The following CYP11B2 variants were observed in gnomAD, a reference collection of about 807,000 sequenced individuals.
The protein encoded by CYP11B2 is cytochrome P450 11B2, mitochondrial.
A neutral mutation model predicts 49.3 loss-of-function variants in CYP11B2; 38 were observed. The ratio of observed to expected loss-of-function variants is 0.77; its 90% CI spans 0.59 to 1.01. The LOEUF is 1.01. CYP11B2 is among the 50% of genes least tolerant of loss of function. CYP11B2 has a pLI of 0.00. For missense variants in CYP11B2, 669 were observed against 655.5 expected, an observed-to-expected ratio of 1.02 and a Z score of -0.23; for synonymous variants, 290 against 269.3, an observed-to-expected ratio of 1.08 and a Z score of -0.75.
At chr8:142,913,005 G>A (rs1397246926) in intron 6 of CYP11B2, 120 bp from the exon 7 acceptor site, 2 of 1,091,522 alleles carry the variant, frequency 1.8e-6, no homozygotes, top group East Asian at 2.6e-5. Context: ...CCAGGTCGTA[G>A]GAAGTACTTC....
chr8:142,916,694 A>G (rs1282610829), intron 2 of CYP11B2, among the ~76,000 whole-genome samples: 2 of 152,154 alleles, frequency 1.3e-5, no homozygotes, highest in African/African-American at 2.4e-5. Context: ...GACCTGGGCC[A>G]GTGGAAGTCC....
rs745998140 is a variant in CYP11B2 at position 142,917,553 on chromosome 8, C to A, written c.239+49G>T. The A allele has an allele frequency of 5.0e-6, 8 of 1,613,686 alleles. No individual in the cohort carries two copies. In the East Asian group the frequency reaches 1.8e-4, roughly 36 times the overall value. On this transcript the variant is annotated intron_variant, in intron 1 of 8. Coordinates refer to ENST00000323110, the MANE Select transcript of CYP11B2 (RefSeq NM_000498.3). ...GAGTGCCTGGCAGGGTCCTGGGCAG[C>A]AGGGGCAGGGATCTGGGTGTTCCCA...
Position 142,912,095 on chromosome 8 carries a change from T to C in CYP11B2, c.1399-2A>G. The C allele has an allele frequency of 6.2e-7, 1 of 1,613,970 alleles. No individual in the cohort carries two copies. Among genetic ancestry groups the C allele is most frequent in the Non-Finnish European group, 8.5e-7 (1 of 1,179,914 alleles). On this transcript the variant is annotated splice_acceptor_variant, in intron 8 of 8. Transcript: ENST00000323110. LOFTEE classifies it high-confidence loss of function. ...CTCCACCAGGAAGTGCTTCAGCACCTAGGACAGAGGCTGGGTTTCCATCTG... is the reference window on the plus strand; with the variant it reads ...CTCCACCAGGAAGTGCTTCAGCACCCAGGACAGAGGCTGGGTTTCCATCTG...
rs1817564792 is a variant in CYP11B2, at chr8:142,912,860, C to G, written c.1147G>C (p.Glu383Gln). Residue 383 changes from glutamate (E) to glutamine (Q), a missense_variant, in exon 7 of 9, where the codon GAG becomes CAG. Physicochemically the swap from Glu to Gln is conservative, Grantham distance 29. Coordinates refer to ENST00000323110, the MANE Select transcript of CYP11B2 (RefSeq NM_000498.3). ...LRLYPVGLFL[E>Q]RVVSSDLVLQ... ...ACCAAGTCTGAGCTCACCACTCGCT[C>G]CAAAAACAGACCCACAGGGTAGAGC... 2 of 1,613,496 alleles carry G rather than the reference C, an allele frequency of 1.2e-6. No individual in the cohort carries two copies. The highest frequency in any genetic ancestry group is 2.2e-5 in the South Asian group (2 of 91,020).
intron 8 of CYP11B2, 29 bp downstream of exon 8, chr8:142,912,501 G>GGGGCGC: frequency 6.3e-7 from 1 of 1,583,990 alleles, no homozygotes; most frequent in Non-Finnish European, 8.7e-7. Flanking sequence ...TGCTGCCCAG[G>GGGGCGC]TCCCGCCCCC....
intron 2 of CYP11B2, chr8:142,916,618 A>G: frequency 2.5e-6 from 1 of 394,768 alleles, no homozygotes; most frequent in East Asian, 7.2e-5. Flanking sequence ...CCAGGACTGC[A>G]GGGACCCTGA....
chr8:142,913,889 C>G (rs764925086), intron 5 of CYP11B2: 12 of 492,188 alleles, frequency 2.4e-5, no homozygotes, highest in Non-Finnish European at 4.8e-5. Flanking sequence ...CCCAAGGTGA[C>G]CGGGCACACT....
At position 142,912,479 on chromosome 8, in the gene CYP11B2, A is replaced by G. The variant is rs1817552765; in HGVS notation, c.1398+51T>C. 4.5e-6 allele frequency: 7 copies of G among 1,569,708 alleles called. No individual in the cohort carries two copies. The East Asian group carries it at 1.6e-4, about 35-fold the overall frequency. ...CATGCAAGCCCCGCCCCCAGTGTGC[A>G]GGTCCCGCCTCTGCTGCCCAGGTCC... On this transcript the variant is annotated intron_variant, in intron 8 of 8. Coordinates refer to ENST00000323110, the MANE Select transcript of CYP11B2 (RefSeq NM_000498.3).
chr8:142,912,569 C>T lies in CYP11B2; in HGVS notation c.1359G>A (p.Arg453=). 1 of 1,614,092 alleles carries T rather than the reference C, an allele frequency of 6.2e-7. No individual in the cohort carries two copies. The change falls in exon 8 of 9, where the codon CGG becomes CGA. Residue 453 remains arginine, a synonymous_variant. Transcript: ENST00000323110. ...GCAGCATCTCTGCCTCTGCCAGGCG[C>T]CGCCCGAGGCACTGGCGCATGCCAA... ...FGFGMRQCLG[R]RLAEAEMLLL... is the part of the protein sequence containing the mutation.
At chr8:142,917,485 C>T (rs1817667987) in intron 1 of CYP11B2, 117 bp downstream of exon 1, 1 of 1,612,958 alleles carries the variant, frequency 6.2e-7, no homozygotes, top group Admixed American at 1.7e-5. Flanking sequence ...CCCCATCCTC[C>T]AAAGGATGCA....
rs1475694710 is a variant in CYP11B2 at position 142,910,988 on chromosome 8, C to G, written c.*992G>C. 1 of 152,148 alleles carries G rather than the reference C, an allele frequency of 6.6e-6. No homozygotes were observed. The highest frequency in any genetic ancestry group is 1.5e-5 in the Non-Finnish European group (1 of 68,054). 9.4% of individuals were successfully genotyped at this position (152,148 alleles called of 1,614,324 possible). A position where few individuals can be genotyped will look rare whatever the true frequency, so the allele number is the denominator to read the frequency against. ...GGGGAGTGGCCAGTTCAGGAGGGGTCAACTCTCTCTGCTGGGCTAGGAGCA... is the reference window on the plus strand; with the variant it reads ...GGGGAGTGGCCAGTTCAGGAGGGGTGAACTCTCTCTGCTGGGCTAGGAGCA... On this transcript the variant is annotated 3_prime_UTR_variant, in exon 9 of 9. Transcript: ENST00000323110. This position sits in a 1 kb window ranked among gnomAD's most constrained non-coding sequence, Gnocchi z 4.6.
At position 142,911,774 on chromosome 8, in the gene CYP11B2, T is replaced by A; in HGVS notation, c.*206A>T. On this transcript the variant is annotated 3_prime_UTR_variant, in exon 9 of 9. Transcript: ENST00000323110. Reference sequence around the variant, plus strand: ...ACAAGGCCAGGCCCTGCCAGCAAGATCGTCTCCAGCTGTGCCCTGGCCTTG... The same window carrying A: ...ACAAGGCCAGGCCCTGCCAGCAAGAACGTCTCCAGCTGTGCCCTGGCCTTG... The A allele has an allele frequency of 1.4e-6, 1 of 700,098 alleles. No individual in the cohort carries two copies. Among genetic ancestry groups the A allele is most frequent in the Non-Finnish European group, 2.3e-6 (1 of 432,280 alleles). The allele number at this position is 700,098 out of a possible 1,614,324, so 43.4% of individuals were successfully genotyped here.
Position 142,911,874 on chromosome 8 carries a change from G to T in CYP11B2, c.*106C>A. On this transcript the variant is annotated 3_prime_UTR_variant, in exon 9 of 9. Coordinates refer to ENST00000323110, the MANE Select transcript of CYP11B2 (RefSeq NM_000498.3). Reference sequence around the variant, plus strand: ...CATTTGTGCAGGAGCTGGCTGGACAGAGGGGTGACTCAGGAAGCTGTGCAC... The same window carrying T: ...CATTTGTGCAGGAGCTGGCTGGACATAGGGGTGACTCAGGAAGCTGTGCAC... The T allele has an allele frequency of 6.4e-7, 1 of 1,551,782 alleles. No individual in the cohort carries two copies. Among genetic ancestry groups the T allele is most frequent in the Non-Finnish European group, 8.8e-7 (1 of 1,139,470 alleles).
chr8:142,912,146 G>A, intron 8 of CYP11B2, 53 bp from the exon 9 acceptor site: 1 of 1,612,522 alleles, frequency 6.2e-7, no homozygotes, highest in Non-Finnish European at 8.5e-7. Flanking sequence ...CATGGACCTG[G>A]GGCAGCTTCC....
intron 8 of CYP11B2, 93 bp downstream of exon 8, chr8:142,912,437 C>G (rs1301707680): frequency 7.3e-7 from 1 of 1,378,810 alleles, no homozygotes; most frequent in East Asian, 2.4e-5. Context: ...TCCACTGTTC[C>G]CAGGTGTCAA....
In CYP11B2 at chr8:142,915,707, G is replaced by A. The variant is rs535250657; in HGVS notation, c.396-462C>T. 2.8e-4 allele frequency among the ~76,000 whole-genome samples: 37 copies of A among 130,362 alleles called. 7 individuals carry two copies. Among genetic ancestry groups the A allele is most frequent in the Admixed American group, 2.7e-3 (35 of 12,968 alleles). The allele number at this position is 130,362 out of a possible 152,430, so 85.5% of individuals were successfully genotyped here. A position where few individuals can be genotyped will look rare whatever the true frequency, so the allele number is the denominator to read the frequency against. On this transcript the variant is annotated intron_variant, in intron 2 of 8. Transcript: ENST00000323110. Reference sequence around the variant, plus strand: ...CCCGCCCTGGGCACAGTGCCTCTGGGGCAGCAGCCTCTGCCTGTCTCTGTG... The same window carrying A: ...CCCGCCCTGGGCACAGTGCCTCTGGAGCAGCAGCCTCTGCCTGTCTCTGTG...
intron 2 of CYP11B2, among the ~76,000 whole-genome samples, chr8:142,916,775 G>A (rs561879167): frequency 4.5e-4 from 68 of 152,244 alleles, no homozygotes; most frequent in East Asian, 7.7e-4. Context: ...AGCAGCCGCC[G>A]AGGTTGGTGC....
In CYP11B2 at chr8:142,917,782, C is replaced by T. The variant is rs1463986346; in HGVS notation, c.59G>A (p.Arg20Lys). 23 of 1,614,106 alleles carry T rather than the reference C, an allele frequency of 1.4e-5. No individual in the cohort carries two copies. In the Admixed American group the frequency reaches 1.8e-4, roughly 13 times the overall value. ...CVAAPWLSLQRARALGTRAAR... is the reference protein window; with the variant it reads ...CVAAPWLSLQKARALGTRAAR... ...GGCTCTAGTGCCCAGTGCCCGTGCCCTTTGCAGGGACAGCCAGGGCGCTGC... is the reference window on the plus strand; with the variant it reads ...GGCTCTAGTGCCCAGTGCCCGTGCCTTTTGCAGGGACAGCCAGGGCGCTGC... Residue 20 changes from arginine to lysine, a missense_variant, in exon 1 of 9, where the codon AGG becomes AAG. Coordinates refer to ENST00000323110, the MANE Select transcript of CYP11B2 (RefSeq NM_000498.3).
In CYP11B2 at chr8:142,912,521, C is replaced by T. The variant is rs1384087182; in HGVS notation, c.1398+9G>A. 1.2e-6 allele frequency: 2 copies of T among 1,612,408 alleles called. No homozygotes were observed. Among genetic ancestry groups the T allele is most frequent in the Non-Finnish European group, 1.7e-6 (2 of 1,179,640 alleles). ...CCCAGGTCCCGCCCCCGCCCCCAGGCCTGCTTACGTGGTGCAGCAGCAGCA... is the reference window on the plus strand; with the variant it reads ...CCCAGGTCCCGCCCCCGCCCCCAGGTCTGCTTACGTGGTGCAGCAGCAGCA... On this transcript the variant is annotated intron_variant, in intron 8 of 8. Coordinates refer to ENST00000323110, the MANE Select transcript of CYP11B2 (RefSeq NM_000498.3).
Sources: gnomAD v4.1 joint callset for allele counts (sites outside exome capture counted in the v4.1 genomes callset) on GRCh38, gnomAD v4.1.1 for gene constraint, Gnocchi (gnomAD v3.1) non-coding constraint, MANE v1.5 for transcripts, NCBI Gene and HGNC (gene_info 2026-07-23, HGNC 2026-07-21) for gene names.